ADCY7: variants seen among roughly 807,000 people sequenced by gnomAD.
The protein encoded by ADCY7 is adenylate cyclase type 7.
ADCY7 carries 72 observed loss-of-function variants against 120.6 expected under a neutral mutation model. That is an observed-to-expected ratio of 0.60 (90% CI 0.49 to 0.73). The LOEUF (loss-of-function observed/expected upper bound fraction) is 0.73, where lower values mean the gene tolerates loss of function less well. Ranked by LOEUF, ADCY7 falls within the 30% of genes least tolerant of loss-of-function variation. The pLI is 0.00. For missense variants in ADCY7, 1,227 were observed against 1,486.0 expected, an observed-to-expected ratio of 0.83 and a Z score of 2.87; for synonymous variants, 661 against 628.0, an observed-to-expected ratio of 1.05 and a Z score of -0.78.
At chr16:50,292,550 C>T in intron 4 of ADCY7, 126 bp from the exon 5 acceptor site, 2 of 1,202,946 alleles carry the variant, frequency 1.7e-6, no homozygotes, top group South Asian at 2.9e-5. Flanking sequence ...AGGAAGAGTG[C>T]CATTCTCAGT....
At chr16:50,291,709 A>G (rs760890577) in intron 3 of ADCY7, 27 bp from the exon 4 acceptor site, 1 of 1,613,406 alleles carries the variant, frequency 6.2e-7, no homozygotes, top group Non-Finnish European at 8.5e-7. Context: ...ATCTTGGGGC[A>G]CCGGGCTCAC....
intron 21 of ADCY7, 39 bp from the exon 22 acceptor site, chr16:50,312,851 G>C (rs199546619): frequency 9.8e-5 from 156 of 1,594,764 alleles, no homozygotes; most frequent in Middle Eastern, 5.2e-4. Flanking sequence ...GTCCCCTCAA[G>C]AGGTGAAGTG....
At chr16:50,293,663 G>C (rs898219412) in intron 6 of ADCY7, among the ~76,000 whole-genome samples, 161 bp downstream of exon 6, 1 of 152,190 alleles carries the variant, frequency 6.6e-6, no homozygotes, top group Non-Finnish European at 1.5e-5. Context: ...GCCCTCCCTG[G>C]GTCTCAGAAC....
At chr16:50,302,458 G>T (rs563387705) in intron 10 of ADCY7, among the ~76,000 whole-genome samples, 1 of 152,236 alleles carries the variant, frequency 6.6e-6, no homozygotes, top group East Asian at 1.9e-4. Flanking sequence ...AGGCTGCCTG[G>T]GCCGACTTGA....
At chr16:50,277,595 T>C (rs932900362) in intron 1 of ADCY7, among the ~76,000 whole-genome samples, 5 of 151,922 alleles carry the variant, frequency 3.3e-5, no homozygotes, top group Admixed American at 1.3e-4. Context: ...TGGGCTCAAG[T>C]GATCCGCCTG....
intron 1 of ADCY7, among the ~76,000 whole-genome samples, chr16:50,267,663 G>T (rs2033306158): frequency 6.6e-6 from 1 of 152,208 alleles, no homozygotes; most frequent in African/African-American, 2.4e-5. Flanking sequence ...ATCACAGGGG[G>T]TTCTAGCCTG....
intron 4 of ADCY7, 162 bp from the exon 5 acceptor site, chr16:50,292,514 T>G: frequency 1.2e-6 from 1 of 830,158 alleles, no homozygotes; most frequent in Non-Finnish European, 1.9e-6. Context: ...AGCTCCTGTC[T>G]GGGCCTCAGT....
intron 10 of ADCY7, 71 bp downstream of exon 10, chr16:50,301,285 G>C (rs537625662): frequency 6.7e-7 from 1 of 1,500,708 alleles, no homozygotes; most frequent in Non-Finnish European, 8.9e-7. Flanking sequence ...AGCCTGGCCC[G>C]CACCTTGGAG....
intron 7 of ADCY7, 128 bp downstream of exon 7, chr16:50,294,879 C>A (rs1187690810): frequency 3.1e-6 from 2 of 643,382 alleles, no homozygotes; most frequent in Admixed American, 2.7e-5. Flanking sequence ...TAGCATCCAG[C>A]CAGCAAACAC....
At chr16:50,267,077 G>A (rs895325553) in intron 1 of ADCY7, among the ~76,000 whole-genome samples, 3 of 152,142 alleles carry the variant, frequency 2.0e-5, no homozygotes, top group African/African-American at 7.2e-5. Context: ...CATTGGCAAG[G>A]GAAGGCCAAT....
At chr16:50,306,041 G>A (rs755779911) in intron 14 of ADCY7, among the ~76,000 whole-genome samples, 192 bp downstream of exon 14, 5 of 152,166 alleles carry the variant, frequency 3.3e-5, no homozygotes, top group Non-Finnish European at 5.9e-5. Flanking sequence ...CTCTCCTGTC[G>A]GCTTCATTCC....
rs775177931 is a variant in ADCY7 at position 50,305,514 on chromosome 16, C to T, written c.1607C>T (p.Pro536Leu). The T allele has an allele frequency of 6.2e-7, 1 of 1,612,658 alleles. No homozygotes were observed. Among genetic ancestry groups the T allele is most frequent in the East Asian group, 2.2e-5 (1 of 44,874 alleles). ...GTATCTGATTCCAGAAGCATGTCCCCCAAGGGGCGGTCGGAGGATGACTCG... is the reference window on the plus strand; with the variant it reads ...GTATCTGATTCCAGAAGCATGTCCCTCAAGGGGCGGTCGGAGGATGACTCG... ...HRRTPDRSMSPKGRSEDDSYD... is the reference protein window; with the variant it reads ...HRRTPDRSMSLKGRSEDDSYD... Residue 536 changes from proline to leucine, a missense_variant, in exon 13 of 26, where the codon CCC becomes CTC. This residue lies in a region of ADCY7 where 332 missense variants were observed against 455.8 expected (regional missense o/e 0.73). Coordinates refer to ENST00000673801, the MANE Select transcript of ADCY7 (RefSeq NM_001114.5).
In ADCY7 at chr16:50,310,673, C is replaced by G. The variant is rs779471724; in HGVS notation, c.2161-14C>G. 3.1e-6 allele frequency: 5 copies of G among 1,612,262 alleles called. No homozygotes were observed. Among genetic ancestry groups the G allele is most frequent in the Non-Finnish European group, 4.2e-6 (5 of 1,179,010 alleles). On this transcript the variant is annotated splice_polypyrimidine_tract_variant and intron_variant, in intron 18 of 25. Coordinates refer to ENST00000673801, the MANE Select transcript of ADCY7 (RefSeq NM_001114.5). ...TGGGGTGGCCCTGTCCTGAGTGACA[C>G]CCTGCCCCCTCAGTACTACACCTGC... is the stretch of plus-strand genomic sequence containing the variant.
At chr16:50,285,242 G>A (rs761615157) in intron 1 of ADCY7, among the ~76,000 whole-genome samples, 12 of 152,236 alleles carry the variant, frequency 7.9e-5, no homozygotes, top group Non-Finnish European at 1.8e-4. Context: ...CTGAAGGGTT[G>A]CCCCTCGTTG....
intron 1 of ADCY7, among the ~76,000 whole-genome samples, chr16:50,253,209 A>G (rs563271825): frequency 6.6e-6 from 1 of 152,108 alleles, no homozygotes; most frequent in South Asian, 2.1e-4. Context: ...ATGTAGTGGG[A>G]CTGTTTCTTT....
intron 8 of ADCY7, 148 bp from the exon 9 acceptor site, chr16:50,300,567 C>T (rs1277102984): frequency 4.2e-6 from 4 of 941,966 alleles, no homozygotes; most frequent in Admixed American, 5.3e-5. Context: ...CCTGAAGAGG[C>T]AGCCCCATCA....
upstream of ADCY7, among the ~76,000 whole-genome samples, chr16:50,264,189 A>T (rs1346321254): frequency 6.6e-6 from 1 of 152,126 alleles, no homozygotes; most frequent in Non-Finnish European, 1.5e-5. Flanking sequence ...GATTAGTTTC[A>T]TCATTTCTGA....
rs72782121 is a variant in ADCY7 at position 50,268,724 on chromosome 16, A to C, written c.-269+2044A>C. On this transcript the variant is annotated intron_variant, in intron 1 of 25. Coordinates refer to ENST00000673801, the MANE Select transcript of ADCY7 (RefSeq NM_001114.5). ...GTGTAGGGAGAGCTCAGGAAGTAGAAATTGGGCTGGAGTGTGGCCTCTGGA... is the reference window on the plus strand; with the variant it reads ...GTGTAGGGAGAGCTCAGGAAGTAGACATTGGGCTGGAGTGTGGCCTCTGGA... Among the ~76,000 whole-genome samples the C allele has an allele frequency of 5.9e-3, 891 of 151,956 alleles. 6 individuals are homozygous for C. The highest frequency in any genetic ancestry group is 0.01 in the Non-Finnish European group (687 of 67,964).
chr16:50,251,800 A>G (rs2032764854), intron 1 of ADCY7, among the ~76,000 whole-genome samples: 1 of 152,036 alleles, frequency 6.6e-6, no homozygotes, highest in Non-Finnish European at 1.5e-5. Context: ...CTCCCAGTTC[A>G]CTGTCCTAGG....
Sources: gnomAD v4.1 joint callset for allele counts (sites outside exome capture counted in the v4.1 genomes callset) on GRCh38, gnomAD v4.1.1 for gene constraint, gnomAD v4.1.1 regional missense constraint, MANE v1.5 for transcripts, NCBI Gene and HGNC (gene_info 2026-07-23, HGNC 2026-07-21) for gene names.